The following GET3 variants were observed in gnomAD, a reference collection of about 807,000 sequenced individuals.
GET3 encodes the protein guided entry of tail-anchored proteins factor 3, ATPase, also known as ATPase GET3.
A neutral mutation model predicts 32.4 loss-of-function variants in GET3; 15 were observed. The ratio of observed to expected loss-of-function variants is 0.46; its 90% CI spans 0.31 to 0.71. The LOEUF (loss-of-function observed/expected upper bound fraction) is 0.71, where lower values mean the gene tolerates loss of function less well. Among genes scored for constraint, GET3 ranks in the 30% least tolerant of loss-of-function variants. The pLI, the probability that GET3 is intolerant of heterozygous loss-of-function variation, is 0.05. For synonymous variants in GET3, 198 were observed against 185.6 expected (o/e 1.07, Z -0.54); for missense variants, 333 against 459.0 (o/e 0.73, Z 2.51).
intron 2 of GET3, among the ~76,000 whole-genome samples, chr19:12,742,565 C>T (rs556633370): frequency 6.6e-6 from 1 of 152,214 alleles, no homozygotes; most frequent in East Asian, 1.9e-4. Flanking sequence ...CAGGTGCATG[C>T]CACCATGCCC....
upstream of GET3, chr19:12,737,164 T>C (rs920629375): frequency 5.8e-5 from 11 of 188,140 alleles, no homozygotes; most frequent in African/African-American, 2.1e-4. Context: ...AAGGTGAGGT[T>C]GGCGCTACCG....
At chr19:12,744,396 T>C (rs189167614) in intron 2 of GET3, among the ~76,000 whole-genome samples, 1 of 151,898 alleles carries the variant, frequency 6.6e-6, no homozygotes, top group East Asian at 2.0e-4. Flanking sequence ...CTCGGCTCAC[T>C]GTAACCTCTG....
Position 12,745,726 on chromosome 19 carries a change from G to A in GET3, c.576G>A (p.Gln192=), listed in dbSNP as rs769852121. ...AGCGGGGCCTGGGCCGGCTTATGCA[G>A]ATCAAGAACCAGATCAGCCCTTTCA... The part of the protein sequence containing the change: ...IVERGLGRLM[Q]IKNQISPFIS... The change falls in exon 4 of 7, where the codon CAG becomes CAA. Residue 192 remains glutamine, a synonymous_variant. Coordinates refer to ENST00000357332, the MANE Select transcript of GET3 (RefSeq NM_004317.4). This position sits in a 1 kb window ranked among gnomAD's most constrained non-coding sequence, Gnocchi z 5.0. 1.2e-6 allele frequency: 2 copies of A among 1,612,060 alleles called. No homozygotes were observed. Among genetic ancestry groups the A allele is most frequent in the South Asian group, 1.1e-5 (1 of 91,082 alleles).
intron 1 of GET3, among the ~76,000 whole-genome samples, chr19:12,738,124 C>G (rs979569548): frequency 6.6e-6 from 1 of 152,110 alleles, no homozygotes; most frequent in East Asian, 1.9e-4. Flanking sequence ...ACAGATTATC[C>G]TGGACAAGCA....
In GET3 at chr19:12,737,676, C is replaced by T. The variant is rs771701390; in HGVS notation, c.161+10C>T. The T allele has an allele frequency of 3.7e-6, 6 of 1,604,438 alleles. No homozygotes were observed. The highest frequency in any genetic ancestry group is 1.1e-5 in the South Asian group (1 of 89,972). ...GCAAGACCACCTGCAGGTAAGGAGG[C>T]TGCGGCGGGGGCCAGGAGGCGTGTA... On this transcript the variant is annotated intron_variant, in intron 1 of 6. Transcript: ENST00000357332.
At chr19:12,739,194 A>C (rs957035604) in intron 2 of GET3, among the ~76,000 whole-genome samples, 2 of 151,708 alleles carry the variant, frequency 1.3e-5, no homozygotes, top group Non-Finnish European at 2.9e-5. Flanking sequence ...TAGACACTCA[A>C]GACTCCTCTG....
chr19:12,743,825 G>T (rs1425821125), intron 2 of GET3, among the ~76,000 whole-genome samples: 1 of 133,980 alleles, frequency 7.5e-6, no homozygotes, highest in Non-Finnish European at 1.6e-5. Context: ...GCCCCCTGGG[G>T]TTCATGCCAT....
intron 4 of GET3, among the ~76,000 whole-genome samples, chr19:12,746,185 T>C (rs575824781): frequency 2.0e-5 from 3 of 152,096 alleles, no homozygotes; most frequent in Non-Finnish European, 4.4e-5. Flanking sequence ...CAGGCTGGAG[T>C]GCAGTGGTGC....
intron 2 of GET3, among the ~76,000 whole-genome samples, chr19:12,742,243 T>G (rs1383548897): frequency 6.6e-6 from 1 of 151,082 alleles, no homozygotes; most frequent in East Asian, 1.9e-4. Context: ...TTTTTTTTTT[T>G]TTTTTTGAGA....
chr19:12,745,846 A>T lies in GET3; in HGVS notation c.609+87A>T. The T allele has an allele frequency of 6.8e-7, 1 of 1,470,270 alleles. No homozygotes were observed. The highest frequency in any genetic ancestry group is 1.3e-5 in the South Asian group (1 of 76,406). The allele number at this position is 1,470,270 out of a possible 1,614,324, so 91.1% of individuals were successfully genotyped here. ...CCCCCAGACCCTCAAATGCGCACTA[A>T]CAATTCCCTTTCCTTCCCACCCCTT... is the stretch of plus-strand genomic sequence containing the variant. On this transcript the variant is annotated intron_variant, in intron 4 of 6. Coordinates refer to ENST00000357332, the MANE Select transcript of GET3 (RefSeq NM_004317.4). The surrounding 1 kb of genome is among the most constrained non-coding windows in gnomAD (Gnocchi z 5.0).
chr19:12,737,687 G>A, intron 1 of GET3, 21 bp downstream of exon 1: 2 of 1,600,300 alleles, frequency 1.2e-6, no homozygotes, highest in South Asian at 2.2e-5. Flanking sequence ...TGCGGCGGGG[G>A]CCAGGAGGCG....
At position 12,748,160 on chromosome 19, in the gene GET3, C is replaced by A; in HGVS notation, c.*56C>A. 1 of 1,496,754 alleles carries A rather than the reference C, an allele frequency of 6.7e-7. No homozygotes were observed. Among genetic ancestry groups the A allele is most frequent in the East Asian group, 2.4e-5 (1 of 41,576 alleles). The allele number at this position is 1,496,754 out of a possible 1,614,324, so 92.7% of individuals were successfully genotyped here. ...CACACTCACCCTCCACCCTCCCCACCCCCTCGGGGCAGAGTTTGCACAAAG... is the reference window on the plus strand; with the variant it reads ...CACACTCACCCTCCACCCTCCCCACACCCTCGGGGCAGAGTTTGCACAAAG... On this transcript the variant is annotated 3_prime_UTR_variant, in exon 7 of 7. Coordinates refer to ENST00000357332, the MANE Select transcript of GET3 (RefSeq NM_004317.4).
At chr19:12,742,080 C>A (rs1446476334) in intron 2 of GET3, among the ~76,000 whole-genome samples, 1 of 151,994 alleles carries the variant, frequency 6.6e-6, no homozygotes, top group Non-Finnish European at 1.5e-5. Flanking sequence ...GCCTGGGCAA[C>A]AAAGGGAGAC....
At chr19:12,744,848 G>A (rs1425545615) in intron 2 of GET3, among the ~76,000 whole-genome samples, 1 of 152,098 alleles carries the variant, frequency 6.6e-6, no homozygotes, top group Non-Finnish European at 1.5e-5. Flanking sequence ...CAACTCCTGG[G>A]CTCAAGCGAT....
chr19:12,738,219 C>T (rs151160008), intron 1 of GET3, among the ~76,000 whole-genome samples: 5 of 152,264 alleles, frequency 3.3e-5, no homozygotes, highest in African/African-American at 1.2e-4. Flanking sequence ...GCTATGCTGG[C>T]TGGACCGCTG....
chr19:12,737,682 CG>C lies in GET3; in HGVS notation c.161+21del. 1.9e-6 allele frequency: 3 copies of C among 1,600,822 alleles called. No homozygotes were observed. The highest frequency in any genetic ancestry group is 2.6e-6 in the Non-Finnish European group (3 of 1,176,358). On this transcript the variant is annotated intron_variant, in intron 1 of 6. Transcript: ENST00000357332. ...CCACCTGCAGGTAAGGAGGCTGCGG[CG>C]GGGGCCAGGAGGCGTGTAGGATATA... is the stretch of plus-strand genomic sequence containing the variant.
intron 4 of GET3, among the ~76,000 whole-genome samples, chr19:12,746,251 A>G (rs1030206649): frequency 5.3e-5 from 8 of 151,818 alleles, no homozygotes; most frequent in African/African-American, 1.9e-4. Context: ...TCGTGCCTCT[A>G]CCTCCCAAGT....
intron 1 of GET3, 24 bp downstream of exon 1, chr19:12,737,690 A>G: frequency 6.2e-7 from 1 of 1,600,208 alleles, no homozygotes; most frequent in East Asian, 2.3e-5. Context: ...GGCGGGGGCC[A>G]GGAGGCGTGT....
chr19:12,742,636 G>C (rs1218173082), intron 2 of GET3, among the ~76,000 whole-genome samples: 1 of 151,812 alleles, frequency 6.6e-6, no homozygotes, highest in Non-Finnish European at 1.5e-5. Flanking sequence ...GGATGGTCTC[G>C]ATCTCCTGAC....
Sources: gnomAD v4.1 joint callset for allele counts (sites outside exome capture counted in the v4.1 genomes callset) on GRCh38, gnomAD v4.1.1 for gene constraint, Gnocchi (gnomAD v3.1) non-coding constraint, MANE v1.5 for transcripts, NCBI Gene and HGNC (gene_info 2026-07-23, HGNC 2026-07-21) for gene names.